The following DOCK3 variants were observed in gnomAD, a reference collection of about 807,000 sequenced individuals.
The protein encoded by DOCK3 is dedicator of cytokinesis protein 3.
Under a neutral mutation model 265.6 loss-of-function variants are expected in DOCK3, and 60 were observed. That is an observed-to-expected ratio of 0.23 (90% CI 0.18 to 0.28). The LOEUF is 0.28. DOCK3 is among the 10% of genes least tolerant of loss of function. The pLI, the probability that DOCK3 is intolerant of heterozygous loss-of-function variation, is 1.00. For synonymous variants in DOCK3, 881 were observed against 938.0 expected, an observed-to-expected ratio of 0.94 and a Z score of 1.11; for missense variants, 1,981 against 2,594.3, an observed-to-expected ratio of 0.76 and a Z score of 5.14.
intron 4 of DOCK3, among the ~76,000 whole-genome samples, chr3:50,899,439 G>C (rs1296129099): frequency 6.6e-6 from 1 of 152,138 alleles, no homozygotes; most frequent in Non-Finnish European, 1.5e-5. Flanking sequence ...CAGTTTGCCA[G>C]TCTGTGTCTT....
At chr3:50,788,908 C>T (rs1312096818) in intron 2 of DOCK3, among the ~76,000 whole-genome samples, 1 of 152,220 alleles carries the variant, frequency 6.6e-6, no homozygotes, top group Non-Finnish European at 1.5e-5. Context: ...CCTTTATTAT[C>T]TTTTCAAAGA....
intron 13 of DOCK3, among the ~76,000 whole-genome samples, chr3:51,212,431 G>GTTTTTTTTT (rs1198836971): frequency 1.8e-5 from 2 of 112,276 alleles, no homozygotes; most frequent in African/African-American, 6.4e-5. Flanking sequence ...TACACCCACT[G>GTTTTTTTTT]TTTTTTTTTT....
chr3:51,027,837 A>G (rs1178420651), intron 5 of DOCK3, among the ~76,000 whole-genome samples: 1 of 151,328 alleles, frequency 6.6e-6, no homozygotes, highest in South Asian at 2.1e-4. Context: ...TACATGAGAC[A>G]TGAGTCTCTT....
chr3:51,247,221 G>T (rs1338190338), intron 22 of DOCK3, among the ~76,000 whole-genome samples: 2 of 152,228 alleles, frequency 1.3e-5, no homozygotes, highest in Non-Finnish European at 2.9e-5. Flanking sequence ...TAAGTAAAAA[G>T]AGCTGAGTGG....
chr3:51,201,058 C>T (rs573287831), intron 12 of DOCK3, among the ~76,000 whole-genome samples: 48 of 151,882 alleles, frequency 3.2e-4, no homozygotes, highest in East Asian at 1.2e-3. Context: ...CGGTACCAGC[C>T]GCTGCAAAAT....
intron 27 of DOCK3, among the ~76,000 whole-genome samples, chr3:51,297,696 T>C (rs182310697): frequency 1.3e-5 from 2 of 152,182 alleles, no homozygotes; most frequent in African/African-American, 4.8e-5. Flanking sequence ...CCTAGCACTT[T>C]GGGAGGTCAA....
At chr3:51,048,518 A>G (rs963151162) in intron 5 of DOCK3, among the ~76,000 whole-genome samples, 10 of 152,220 alleles carry the variant, frequency 6.6e-5, no homozygotes, top group Non-Finnish European at 1.3e-4. Flanking sequence ...GATGTTTAGT[A>G]TACACTTTAT....
intron 12 of DOCK3, among the ~76,000 whole-genome samples, chr3:51,207,662 C>A (rs2089288554): frequency 6.6e-6 from 1 of 152,082 alleles, no homozygotes; most frequent in African/African-American, 2.4e-5. Context: ...TATTCCAACC[C>A]TTTTTATTTA....
At chr3:51,213,540 A>C (rs2089624682) in intron 13 of DOCK3, among the ~76,000 whole-genome samples, 4 of 152,306 alleles carry the variant, frequency 2.6e-5, no homozygotes, top group Middle Eastern at 6.8e-3. Context: ...TGAAATCCTC[A>C]TGGAGTCAAG....
intron 22 of DOCK3, among the ~76,000 whole-genome samples, chr3:51,247,191 A>G (rs530272740): frequency 6.4e-4 from 98 of 152,322 alleles, no homozygotes; most frequent in African/African-American, 2.2e-3. Flanking sequence ...GTTACTAAGC[A>G]TAGATTTTTT....
At chr3:50,700,749 C>G (rs1014482777) in intron 1 of DOCK3, among the ~76,000 whole-genome samples, 1 of 152,096 alleles carries the variant, frequency 6.6e-6, no homozygotes, top group Non-Finnish European at 1.5e-5. Flanking sequence ...CATGAGAGTG[C>G]CAGCATCCCT....
chr3:50,718,216 C>T (rs1240415582), intron 1 of DOCK3, among the ~76,000 whole-genome samples: 3 of 152,162 alleles, frequency 2.0e-5, no homozygotes, highest in Non-Finnish European at 4.4e-5. Flanking sequence ...CAAATTTATT[C>T]AGTGCTCATT....
rs34158054 is a variant in DOCK3, at chr3:50,705,032, A to ATTT, written c.37+29746_37+29748dup. Among the ~76,000 whole-genome samples the ATTT allele has an allele frequency of 1.0e-3, 143 of 136,612 alleles. 4 individuals are homozygous for ATTT. The highest frequency in any genetic ancestry group is 7.9e-3 in the Middle Eastern group (2 of 252). 89.6% of individuals were successfully genotyped at this position (136,612 alleles called of 152,430 possible). The stretch of plus-strand genomic sequence containing the variant: ...TTTGCTACTTGCTACTTGTTTTCTG[A>ATTT]TTTTTTTTTTTTTTTTAATCTATTC... On this transcript the variant is annotated intron_variant, in intron 1 of 52. Transcript: ENST00000266037.
intron 27 of DOCK3, among the ~76,000 whole-genome samples, chr3:51,293,086 A>G (rs939957153): frequency 6.6e-6 from 1 of 152,196 alleles, no homozygotes; most frequent in Admixed American, 6.6e-5. Flanking sequence ...ATCTCCATCA[A>G]AATTCCAATG....
chr3:51,142,243 T>A (rs1001157435), intron 9 of DOCK3, among the ~76,000 whole-genome samples: 27 of 152,298 alleles, frequency 1.8e-4, no homozygotes, highest in African/African-American at 5.5e-4. Flanking sequence ...TCAGGTTTTT[T>A]AAATGTAATT....
At chr3:50,807,526 G>A (rs1229050664) in intron 2 of DOCK3, among the ~76,000 whole-genome samples, 1 of 152,118 alleles carries the variant, frequency 6.6e-6, no homozygotes, top group East Asian at 1.9e-4. Context: ...ATGTGTGGGA[G>A]TACAAATATT....
At chr3:51,181,350 A>G (rs1430813322) in intron 12 of DOCK3, among the ~76,000 whole-genome samples, 2 of 129,964 alleles carry the variant, frequency 1.5e-5, no homozygotes, top group Non-Finnish European at 3.1e-5. Context: ...AAGTGTTCTC[A>G]TTGTTCAATT....
At chr3:51,372,146 C>A (rs986982538) in intron 49 of DOCK3, among the ~76,000 whole-genome samples, 1 of 152,252 alleles carries the variant, frequency 6.6e-6, no homozygotes, top group Non-Finnish European at 1.5e-5. Flanking sequence ...GTTGACAGCT[C>A]CCCCTGCTGA....
chr3:50,843,529 A>C (rs1370900274), intron 3 of DOCK3, among the ~76,000 whole-genome samples: 1 of 152,176 alleles, frequency 6.6e-6, no homozygotes, highest in Non-Finnish European at 1.5e-5. Flanking sequence ...TTCCTACAAA[A>C]AACAGTTTTT....
Sources: allele counts gnomAD v4.1 joint callset (sites outside exome capture counted in the v4.1 genomes callset), GRCh38; gene constraint gnomAD v4.1.1; transcripts MANE v1.5; gene names NCBI Gene and HGNC (gene_info 2026-07-23, HGNC 2026-07-21).